PDE8A: variants seen among roughly 807,000 people sequenced by gnomAD.
PDE8A encodes high affinity cAMP-specific and IBMX-insensitive 3',5'-cyclic phosphodiesterase 8A.
In PDE8A, 59 loss-of-function variants were observed where a neutral mutation model predicts 105.0. The ratio of observed to expected loss-of-function variants is 0.56; its 90% confidence interval spans 0.46 to 0.70. The LOEUF (loss-of-function observed/expected upper bound fraction) is 0.70, where lower values mean the gene tolerates loss of function less well. Among genes scored for constraint, PDE8A ranks in the 30% least tolerant of loss-of-function variants. The pLI is 0.00. For synonymous variants in PDE8A, 355 were observed against 371.9 expected, an observed-to-expected ratio of 0.95 and a Z score of 0.52; for missense variants, 1,014 against 1,045.9, an observed-to-expected ratio of 0.97 and a Z score of 0.42.
chr15:85,125,568 T>G (rs2082246299), intron 19 of PDE8A, among the ~76,000 whole-genome samples: 1 of 152,190 alleles, frequency 6.6e-6, no homozygotes, highest in Admixed American at 6.5e-5. Flanking sequence ...TCACTTCACC[T>G]CCCTGAGTCT....
At chr15:85,100,388 C>T (rs1048679088) in intron 11 of PDE8A, 190 bp downstream of exon 11, 1 of 593,372 alleles carries the variant, frequency 1.7e-6, no homozygotes, top group Non-Finnish European at 3.0e-6. Context: ...TGTGAGCATT[C>T]TGATGGGTGC....
rs1317099451 is a variant in PDE8A, at chr15:85,075,858, T to A, written c.435-4T>A. On this transcript the variant is annotated splice_polypyrimidine_tract_variant and splice_region_variant and intron_variant, in intron 3 of 21. Transcript: ENST00000394553. The stretch of plus-strand genomic sequence containing the variant: ...TTATTTTAAAGTTTTGTGTTTTTTT[T>A]AAGGTCTATCAGATCATCAAAACTC... The A allele has an allele frequency of 4.7e-6, 7 of 1,480,422 alleles. No homozygotes were observed. The highest frequency in any genetic ancestry group is 1.9e-5 in the Admixed American group (1 of 53,012). The allele number at this position is 1,480,422 out of a possible 1,614,324, so 91.7% of individuals were successfully genotyped here. A position where few individuals can be genotyped will look rare whatever the true frequency, so the allele number is the denominator to read the frequency against.
chr15:85,010,892 G>C (rs1210053021), intron 1 of PDE8A, among the ~76,000 whole-genome samples: 9 of 151,974 alleles, frequency 5.9e-5, no homozygotes, highest in South Asian at 2.1e-4. Flanking sequence ...TCCCCCAGTC[G>C]TGTTCCTGAG....
At chr15:85,052,696 T>C (rs2141421983) in intron 1 of PDE8A, among the ~76,000 whole-genome samples, 1 of 152,326 alleles carries the variant, frequency 6.6e-6, no homozygotes, top group East Asian at 1.9e-4. Flanking sequence ...TAAATTTGTT[T>C]AAGTTCTTTG....
At chr15:85,103,969 G>A (rs1449685329) in intron 11 of PDE8A, among the ~76,000 whole-genome samples, 1 of 152,222 alleles carries the variant, frequency 6.6e-6, no homozygotes, top group African/African-American at 2.4e-5. Flanking sequence ...CCTACTGAGA[G>A]GACTTAGTAC....
chr15:85,105,154 T>C (rs778835045), intron 11 of PDE8A, among the ~76,000 whole-genome samples: 19 of 152,064 alleles, frequency 1.2e-4, no homozygotes, highest in Non-Finnish European at 2.6e-4. Context: ...CCTCATACTT[T>C]GCAGGTGTTC....
chr15:84,984,956 A>G (rs1039755288), intron 1 of PDE8A, among the ~76,000 whole-genome samples: 1 of 152,138 alleles, frequency 6.6e-6, no homozygotes, highest in African/African-American at 2.4e-5. Flanking sequence ...TCTGGTCTCA[A>G]GCATTTGGGA....
intron 17 of PDE8A, among the ~76,000 whole-genome samples, chr15:85,119,468 C>CAAAAAAAAAAAAAAAAACA (rs546194907): frequency 1.5e-4 from 9 of 58,574 alleles, no homozygotes; most frequent in African/African-American, 5.8e-4. Context: ...ACTCTCGTCT[C>CAAAAAAAAAAAAAAAAACA]AAAAAAAAAA....
At chr15:84,986,638 C>T (rs904252248) in intron 1 of PDE8A, among the ~76,000 whole-genome samples, 6 of 150,306 alleles carry the variant, frequency 4.0e-5, no homozygotes, top group African/African-American at 1.5e-4. Context: ...TTTAAGACAG[C>T]GTCTTGCTTT....
At chr15:84,988,097 C>A (rs1035372080) in intron 1 of PDE8A, among the ~76,000 whole-genome samples, 2 of 152,152 alleles carry the variant, frequency 1.3e-5, no homozygotes, top group Non-Finnish European at 2.9e-5. Context: ...AAGATGTTAT[C>A]TCATTTAATC....
intron 12 of PDE8A, among the ~76,000 whole-genome samples, chr15:85,110,637 G>T (rs781063572): frequency 6.6e-6 from 1 of 152,088 alleles, no homozygotes; most frequent in Non-Finnish European, 1.5e-5. Context: ...CTTCCTTATT[G>T]CTCAGTAGTA....
At chr15:85,017,028 G>A (rs2080336166) in intron 1 of PDE8A, among the ~76,000 whole-genome samples, 2 of 151,192 alleles carry the variant, frequency 1.3e-5, no homozygotes, top group Non-Finnish European at 2.9e-5. Context: ...TTGGGAGGCC[G>A]AGGCGGGTGG....
At chr15:84,980,738 G>A (rs12900078), upstream of PDE8A, 17,295 of 152,276 alleles carry the variant, frequency 0.11, 1,309 homozygotes, top group Middle Eastern at 0.22. Flanking sequence ...GTGCGTGTCC[G>A]GGGTCCTCAT....
rs757226555 is a variant in PDE8A, at chr15:85,017,655, G to T, written c.186+35307G>T. On this transcript the variant is annotated intron_variant, in intron 1 of 21. Coordinates refer to ENST00000394553, the MANE Select transcript of PDE8A (RefSeq NM_002605.3). ...TAATCCCAACACTTTGGGAGGCTGA[G>T]GCGGGTGGATTACTTGAGGTCAGGA... 5.9e-4 allele frequency among the ~76,000 whole-genome samples: 90 copies of T among 152,144 alleles called. 1 individual carries two copies. The highest frequency in any genetic ancestry group is 4.6e-4 in the Admixed American group (7 of 15,280).
intron 1 of PDE8A, among the ~76,000 whole-genome samples, chr15:85,045,585 G>A (rs377179542): frequency 9.9e-5 from 15 of 152,260 alleles, no homozygotes; most frequent in Middle Eastern, 3.4e-3. Context: ...AAGTATTTAC[G>A]TGTTAGATAC....
chr15:85,058,626 T>C (rs1171593823), intron 1 of PDE8A, among the ~76,000 whole-genome samples: 1 of 152,186 alleles, frequency 6.6e-6, no homozygotes, highest in African/African-American at 2.4e-5. Flanking sequence ...TGATTTGGTC[T>C]TCGTACTTTT....
intron 3 of PDE8A, among the ~76,000 whole-genome samples, chr15:85,071,631 C>T (rs1032870459): frequency 6.6e-6 from 1 of 152,218 alleles, no homozygotes; most frequent in African/African-American, 2.4e-5. Flanking sequence ...CAGTGTTCTC[C>T]AAGCCCGAAC....
rs188775835 is a variant in PDE8A, at chr15:85,051,492, C to T, written c.187-12878C>T. Among the ~76,000 whole-genome samples, 27 of 152,020 alleles carry T rather than the reference C, an allele frequency of 1.8e-4. No homozygotes were observed. In the East Asian group the frequency reaches 3.3e-3, roughly 18 times the overall value. The stretch of plus-strand genomic sequence containing the variant: ...TTTTTTTTCTTCAATTTTTAAGTCC[C>T]GGGGTACTTAGGGATGTGCAGGTTT... On this transcript the variant is annotated intron_variant, in intron 1 of 21. Transcript: ENST00000394553.
rs1232144833 is a variant in PDE8A at position 85,138,722 on chromosome 15, C to G, written c.*819C>G. The G allele has an allele frequency of 6.6e-6, 1 of 152,238 alleles. No individual in the cohort carries two copies. Among genetic ancestry groups the G allele is most frequent in the Non-Finnish European group, 1.5e-5 (1 of 68,044 alleles). The allele number at this position is 152,238 out of a possible 1,614,324, so 9.4% of individuals were successfully genotyped here. A position where few individuals can be genotyped will look rare whatever the true frequency, so the allele number is the denominator to read the frequency against. On this transcript the variant is annotated 3_prime_UTR_variant, in exon 22 of 22. Transcript: ENST00000394553. ...CTTCTACTGTATAGAACCCAGGGCT[C>G]TGAAACAGCTCTAGCCGCCTAATGC...
Sources: allele counts gnomAD v4.1 joint callset (sites outside exome capture counted in the v4.1 genomes callset), GRCh38; gene constraint gnomAD v4.1.1; transcripts MANE v1.5; gene names NCBI Gene and HGNC (gene_info 2026-07-23, HGNC 2026-07-21).